ZC3H12B: variants seen among roughly 807,000 people sequenced by gnomAD.
The protein encoded by ZC3H12B is probable ribonuclease ZC3H12B.
In ZC3H12B, 7 loss-of-function variants were observed where a neutral mutation model predicts 43.9. The observed-to-expected ratio is 0.16, with a 90% confidence interval of 0.09 to 0.30. The LOEUF (loss-of-function observed/expected upper bound fraction) is 0.30. Ranked by LOEUF, ZC3H12B falls within the 10% of genes least tolerant of loss-of-function variation. The pLI, the probability that ZC3H12B is intolerant of heterozygous loss-of-function variation, is 1.00. For missense variants in ZC3H12B, 475 were observed against 670.2 expected (o/e 0.71, Z 3.22); for synonymous variants, 222 against 241.7 (o/e 0.92, Z 0.76).
the ZC3H12B span, among the ~76,000 whole-genome samples, chrX:65,247,741 G>C: frequency 8.9e-6 from 1 of 111,769 alleles, no homozygotes; most frequent in South Asian, 3.7e-4. Context: ...GGGGAGGAGA[G>C]AGAGCGAGCG....
At chrX:65,282,325 A>G in the ZC3H12B span, among the ~76,000 whole-genome samples, 6 of 111,420 alleles carry the variant, frequency 5.4e-5, no homozygotes, top group Admixed American at 9.5e-5. Flanking sequence ...ACCAAAAACA[A>G]CAACAACAAC....
chrX:65,327,599 T>A, the ZC3H12B span, among the ~76,000 whole-genome samples: 1 of 111,538 alleles, frequency 9.0e-6, no homozygotes, highest in African/African-American at 3.2e-5. Context: ...GTATGTTCAG[T>A]TGTTACAATG....
At chrX:65,331,968 C>G in the ZC3H12B span, among the ~76,000 whole-genome samples, 1 of 111,218 alleles carries the variant, frequency 9.0e-6, no homozygotes, top group Non-Finnish European at 1.9e-5. Flanking sequence ...TAGCTGGCTT[C>G]TTTGCTGTAG....
the ZC3H12B span, among the ~76,000 whole-genome samples, chrX:65,305,762 G>T: frequency 1.8e-5 from 2 of 112,009 alleles, no homozygotes; most frequent in Admixed American, 9.5e-5. Flanking sequence ...ATGGTCAGTG[G>T]GTTAATAAAT....
the ZC3H12B span, among the ~76,000 whole-genome samples, chrX:65,211,876 T>C: frequency 1.3e-5 from 1 of 77,518 alleles, no homozygotes; most frequent in Non-Finnish European, 2.2e-5. Context: ...TAATATATAA[T>C]ATATGTTATG....
the ZC3H12B span, among the ~76,000 whole-genome samples, chrX:65,220,322 AT>A: frequency 8.9e-6 from 1 of 111,892 alleles, no homozygotes; most frequent in East Asian, 2.8e-4. Flanking sequence ...GAGACAGCAA[AT>A]AGCATAATGA....
chrX:65,201,907 G>A, the ZC3H12B span, among the ~76,000 whole-genome samples: 6 of 104,782 alleles, frequency 5.7e-5, no homozygotes, highest in African/African-American at 1.7e-4. Context: ...TTCTCCCTTC[G>A]CTCAGCTCTT....
chrX:65,275,594 G>C, the ZC3H12B span, among the ~76,000 whole-genome samples: 27 of 112,887 alleles, frequency 2.4e-4, no homozygotes, highest in East Asian at 6.4e-3. Context: ...CTAGTAGTTT[G>C]AATTACAGCT....
In ZC3H12B at chrX:65,497,280, T is replaced by A; in HGVS notation, c.748+9T>A. On this transcript the variant is annotated intron_variant, in intron 2 of 4. Coordinates refer to ENST00000338957, the Ensembl canonical transcript of ZC3H12B. Reference sequence around the variant, plus strand: ...TGATGCACCAATTACAGGTATTGTGTCAAATAAGACATTTCTTCTCATCTA... The same window carrying A: ...TGATGCACCAATTACAGGTATTGTGACAAATAAGACATTTCTTCTCATCTA... 1 of 1,196,290 alleles carries A rather than the reference T, an allele frequency of 8.4e-7. No individual in the cohort carries two copies. Among genetic ancestry groups the A allele is most frequent in the Non-Finnish European group, 1.1e-6 (1 of 887,826 alleles).
chrX:65,201,639 CCTCTCTCTCTCTCTCTCTCT>C, the ZC3H12B span, among the ~76,000 whole-genome samples: 1 of 64,552 alleles, frequency 1.5e-5, no homozygotes, highest in African/African-American at 5.4e-5. Context: ...TGAAAGATCA[CCTCTCTCTCTCTCTCTCTCT>C]CTCTCTCTCT....
the ZC3H12B span, among the ~76,000 whole-genome samples, chrX:65,155,719 G>A: frequency 9.0e-6 from 1 of 110,794 alleles, no homozygotes; most frequent in African/African-American, 3.3e-5. Context: ...AATTAGCCAG[G>A]CGTGGTGGCA....
At chrX:65,358,647 A>G in the ZC3H12B span, among the ~76,000 whole-genome samples, 25,493 of 110,735 alleles carry the variant, frequency 0.23, 7,170 homozygotes, top group African/African-American at 0.8. Context: ...AGAACAAGGA[A>G]AAAACGTACC....
chrX:65,437,180 G>T (rs2067231590), intron 3 of ZC3H12B, among the ~76,000 whole-genome samples: 1 of 110,738 alleles, frequency 9.0e-6, no homozygotes, highest in African/African-American at 3.3e-5. Flanking sequence ...CTTGAAACCT[G>T]ACCTATAGTG....
chrX:65,106,369 G>T, the ZC3H12B span, among the ~76,000 whole-genome samples: 1 of 111,655 alleles, frequency 9.0e-6, no homozygotes, highest in South Asian at 3.7e-4. Flanking sequence ...TGCTATTACA[G>T]AATTGTAAAT....
the ZC3H12B span, among the ~76,000 whole-genome samples, chrX:65,286,581 G>C: frequency 9.1e-6 from 1 of 110,070 alleles, no homozygotes; most frequent in Non-Finnish European, 1.9e-5. Flanking sequence ...AAAAAATATA[G>C]AATATCTGGA....
chrX:65,303,390 C>G, the ZC3H12B span, among the ~76,000 whole-genome samples: 1 of 111,712 alleles, frequency 9.0e-6, no homozygotes, highest in African/African-American at 3.3e-5. Context: ...TATAGTTTAA[C>G]ATTTGAAAAA....
the ZC3H12B span, among the ~76,000 whole-genome samples, chrX:65,052,129 T>G: frequency 9.0e-6 from 1 of 111,281 alleles, no homozygotes; most frequent in Non-Finnish European, 1.9e-5. Context: ...TGTCTATTGT[T>G]TAGCAAAGTT....
chrX:65,106,111 G>A, the ZC3H12B span, among the ~76,000 whole-genome samples: 2 of 111,469 alleles, frequency 1.8e-5, no homozygotes, highest in Non-Finnish European at 3.8e-5. Context: ...TGTAAGCAAT[G>A]GTCCTTGACT....
intron 3 of ZC3H12B, among the ~76,000 whole-genome samples, chrX:65,478,361 C>T (rs2068022649): frequency 8.9e-6 from 1 of 111,828 alleles, no homozygotes. Context: ...TTTCTATTGA[C>T]TTTTTCTTTC....
Sources: gnomAD v4.1 joint callset for allele counts (sites outside exome capture counted in the v4.1 genomes callset) on GRCh38, gnomAD v4.1.1 for gene constraint, MANE v1.5 for transcripts, NCBI Gene and HGNC (gene_info 2026-07-23, HGNC 2026-07-21) for gene names.